The following DNM3 variants were observed in gnomAD, a reference collection of about 807,000 sequenced individuals.
DNM3 encodes the protein dynamin 3.
In DNM3, 47 loss-of-function variants were observed where a neutral mutation model predicts 101.6. That is an observed-to-expected ratio of 0.46 (90% CI 0.37 to 0.59). The LOEUF (loss-of-function observed/expected upper bound fraction) is 0.59. Among genes scored for constraint, DNM3 ranks in the 20% least tolerant of loss-of-function variants. The pLI is 0.00. For missense variants in DNM3, 849 were observed against 1,085.7 expected (o/e 0.78, Z 3.06); for synonymous variants, 385 against 387.9 (o/e 0.99, Z 0.09).
chr1:172,145,414 C>G (rs1289680395), intron 14 of DNM3, among the ~76,000 whole-genome samples: 1 of 146,332 alleles, frequency 6.8e-6, no homozygotes, highest in Non-Finnish European at 1.5e-5. Context: ...CTCTCTCTTT[C>G]TCTCCTTCTC....
Position 172,199,818 on chromosome 1 carries a change from A to T in DNM3, c.1660-53755A>T, listed in dbSNP as rs554677361. Among the ~76,000 whole-genome samples the T allele has an allele frequency of 2.5e-3, 383 of 151,984 alleles. 3 individuals are homozygous for T. The highest frequency in any genetic ancestry group is 8.7e-3 in the African/African-American group (361 of 41,460). ...GTCATTACATGTGAGATAGCATGTA[A>T]TGACAAGACAGCATACTATTAGTTC... On this transcript the variant is annotated intron_variant, in intron 14 of 20. Transcript: ENST00000627582.
At chr1:172,136,111 T>C (rs924883873) in intron 14 of DNM3, among the ~76,000 whole-genome samples, 1 of 152,132 alleles carries the variant, frequency 6.6e-6, no homozygotes, top group African/African-American at 2.4e-5. Flanking sequence ...AACATCTGCA[T>C]TGAAATAAGG....
At chr1:171,984,306 T>C (rs1014672324) in intron 2 of DNM3, among the ~76,000 whole-genome samples, 23 of 152,176 alleles carry the variant, frequency 1.5e-4, no homozygotes, top group African/African-American at 5.1e-4. Flanking sequence ...GTCTGCCATC[T>C]CACTCAGCGA....
chr1:172,321,748 A>G (rs1042377594), intron 16 of DNM3, among the ~76,000 whole-genome samples: 1 of 152,192 alleles, frequency 6.6e-6, no homozygotes, highest in Admixed American at 6.5e-5. Flanking sequence ...TTGGTAGATC[A>G]AAAGCTGCAC....
chr1:172,227,271 G>GATATATATATAT (rs140087796), intron 14 of DNM3, among the ~76,000 whole-genome samples: 2,395 of 77,488 alleles, frequency 0.031, 104 homozygotes, highest in Middle Eastern at 0.045. Flanking sequence ...AGTATTTTGT[G>GATATATATATAT]ATATATATAT....
At chr1:172,189,085 A>G (rs2059618639) in intron 14 of DNM3, among the ~76,000 whole-genome samples, 1 of 152,036 alleles carries the variant, frequency 6.6e-6, no homozygotes, top group Non-Finnish European at 1.5e-5. Flanking sequence ...GAGTAGACTT[A>G]TAGTTCTTTC....
intron 2 of DNM3, among the ~76,000 whole-genome samples, chr1:171,953,763 T>A (rs1455426093): frequency 2.0e-5 from 3 of 152,118 alleles, no homozygotes; most frequent in African/African-American, 4.8e-5. Context: ...TTTTCTGACC[T>A]CATTTAAAAA....
chr1:172,002,813 CA>C (rs2046433571), intron 4 of DNM3, among the ~76,000 whole-genome samples: 2 of 151,796 alleles, frequency 1.3e-5, no homozygotes, highest in Admixed American at 1.3e-4. Flanking sequence ...AAAGTAAGAA[CA>C]AAAGAAAAAT....
intron 14 of DNM3, among the ~76,000 whole-genome samples, chr1:172,202,912 A>T (rs899532504): frequency 6.6e-6 from 1 of 152,146 alleles, no homozygotes; most frequent in Non-Finnish European, 1.5e-5. Flanking sequence ...ATTCAAAGTG[A>T]TGATGTTTAT....
chr1:171,960,591 T>A (rs1384402161), intron 2 of DNM3, among the ~76,000 whole-genome samples: 1 of 152,152 alleles, frequency 6.6e-6, no homozygotes, highest in African/African-American at 2.4e-5. Flanking sequence ...ATTAATGGGT[T>A]AATTAATGGG....
chr1:171,897,105 A>G (rs2037883575), intron 1 of DNM3, among the ~76,000 whole-genome samples: 1 of 152,162 alleles, frequency 6.6e-6, no homozygotes, highest in Middle Eastern at 3.2e-3. Context: ...TTCATGTGTA[A>G]CATTGCGTTA....
At chr1:171,888,093 T>C (rs2036937744) in intron 1 of DNM3, among the ~76,000 whole-genome samples, 1 of 151,924 alleles carries the variant, frequency 6.6e-6, no homozygotes, top group South Asian at 2.1e-4. Context: ...TTTCTTCTAT[T>C]CTCTTATAGT....
Position 172,410,535 on chromosome 1 carries a change from A to G in DNM3, c.*2694A>G, listed in dbSNP as rs2071145902. The G allele has an allele frequency of 4.1e-6, 4 of 983,240 alleles. No individual in the cohort carries two copies. In the Admixed American group the frequency reaches 2.5e-4, roughly 60 times the overall value. 60.9% of individuals were successfully genotyped at this position (983,240 alleles called of 1,614,324 possible). ...GTCACATGCTAAATATTGCATGCAT[A>G]TTGACTAATTGGAATAACCATTTAC... On this transcript the variant is annotated 3_prime_UTR_variant, in exon 21 of 21. Coordinates refer to ENST00000627582, the MANE Select transcript of DNM3 (RefSeq NM_015569.5).
chr1:172,038,698 T>A (rs2049143996), intron 7 of DNM3, among the ~76,000 whole-genome samples: 1 of 152,196 alleles, frequency 6.6e-6, no homozygotes, highest in Admixed American at 6.6e-5. Flanking sequence ...ATTGTGTTTT[T>A]AAAACTGGAT....
intron 1 of DNM3, among the ~76,000 whole-genome samples, chr1:171,879,342 T>C (rs1392061370): frequency 6.6e-6 from 1 of 152,192 alleles, no homozygotes; most frequent in African/African-American, 2.4e-5. Flanking sequence ...TTGTTGTTGC[T>C]CAGAGAGAAG....
In DNM3 at chr1:172,089,949, T is replaced by G. The variant is rs146339561; in HGVS notation, c.1494-2875T>G. On this transcript the variant is annotated intron_variant, in intron 12 of 20. Coordinates refer to ENST00000627582, the MANE Select transcript of DNM3 (RefSeq NM_015569.5). ...GTCTGTCTCCTTTATGACACACATA[T>G]ACACATTTTATAGCTGAGCGACTGA... Among the ~76,000 whole-genome samples, 401 of 152,330 alleles carry G rather than the reference T, an allele frequency of 2.6e-3. 2 individuals are homozygous for G. Among genetic ancestry groups the G allele is most frequent in the African/African-American group, 9.1e-3 (378 of 41,576 alleles).
At chr1:171,952,372 A>G (rs796511971) in intron 2 of DNM3, among the ~76,000 whole-genome samples, 1 of 152,210 alleles carries the variant, frequency 6.6e-6, no homozygotes, top group African/African-American at 2.4e-5. Context: ...GTGATGCTAC[A>G]TGAGTCAGGT....
At chr1:172,035,427 T>C (rs2048886538) in intron 6 of DNM3, among the ~76,000 whole-genome samples, 1 of 151,536 alleles carries the variant, frequency 6.6e-6, no homozygotes, top group Admixed American at 6.6e-5. Flanking sequence ...GAACAGAGAG[T>C]AAATAAAAAA....
At chr1:172,059,856 C>T (rs36153381) in intron 10 of DNM3, among the ~76,000 whole-genome samples, 24,285 of 106,044 alleles carry the variant, frequency 0.23, 2,085 homozygotes, top group East Asian at 0.49. Flanking sequence ...GGCAATTAGG[C>T]AGGAGAAGGA....
Sources: allele counts gnomAD v4.1 joint callset (sites outside exome capture counted in the v4.1 genomes callset), GRCh38; gene constraint gnomAD v4.1.1; transcripts MANE v1.5; gene names NCBI Gene and HGNC (gene_info 2026-07-23, HGNC 2026-07-21).